The following CHD7 variants were observed in gnomAD, a reference collection of about 807,000 sequenced individuals.
CHD7 encodes the protein chromodomain helicase DNA binding protein 7.
Under a neutral mutation model 307.3 loss-of-function variants are expected in CHD7, and 24 were observed. That is an observed-to-expected ratio of 0.08 (90% CI 0.06 to 0.11). The LOEUF is 0.11. CHD7 is among the 10% of genes least tolerant of loss of function. The probability of loss-of-function intolerance (pLI) is 1.00; values close to 1 mark genes in which losing one functional copy is unlikely to be tolerated. For missense variants in CHD7, 3,106 were observed against 3,727.1 expected, an observed-to-expected ratio of 0.83 and a Z score of 4.34; for synonymous variants, 1,363 against 1,349.9, an observed-to-expected ratio of 1.01 and a Z score of -0.21.
At chr8:60,778,106 G>GC (rs1554588072) in intron 2 of CHD7, among the ~76,000 whole-genome samples, 1 of 111,708 alleles carries the variant, frequency 9.0e-6, no homozygotes, top group Non-Finnish European at 2.3e-5. Context: ...GGGGGGTGGA[G>GC]GGGGGGACAT....
intron 1 of CHD7, among the ~76,000 whole-genome samples, chr8:60,696,723 G>A (rs1196887855): frequency 6.6e-6 from 1 of 151,658 alleles, no homozygotes; most frequent in African/African-American, 2.4e-5. Context: ...ATGGAAGGAA[G>A]GACTCTGACA....
At position 60,800,517 on chromosome 8, in the gene CHD7, G is replaced by C; in HGVS notation, c.2368G>C (p.Glu790Gln). 1 of 1,613,430 alleles carries C rather than the reference G, an allele frequency of 6.2e-7. No individual in the cohort carries two copies. The highest frequency in any genetic ancestry group is 8.5e-7 in the Non-Finnish European group (1 of 1,179,614). ...RDSPSNTSQS[E>Q]QQESVDAEGP... ...TTCCCCCTCCAACACCTCCCAGTCA[G>C]AACAGCAGGTTAGTACCAGATCTGT... Residue 790 changes from glutamate (E) to glutamine (Q), a missense_variant, in exon 5 of 38, where the codon GAA becomes CAA. By Grantham distance (29) the Glu-to-Gln change is conservative. This residue lies in a region of CHD7 where 998 missense variants were observed against 1,004.5 expected (regional missense o/e 0.99). Coordinates refer to ENST00000423902, the MANE Select transcript of CHD7 (RefSeq NM_017780.4).
intron 26 of CHD7, 95 bp from the exon 27 acceptor site, chr8:60,850,937 A>G: frequency 1.2e-6 from 1 of 834,884 alleles, no homozygotes; most frequent in Admixed American, 2.9e-5. Context: ...AATTAAAAGT[A>G]GCACTGGGCA....
chr8:60,773,811 T>C (rs1480881266), intron 2 of CHD7, among the ~76,000 whole-genome samples: 1 of 152,204 alleles, frequency 6.6e-6, no homozygotes, highest in East Asian at 1.9e-4. Context: ...TCATAGTGGA[T>C]AATGTTTGTT....
intron 1 of CHD7, among the ~76,000 whole-genome samples, chr8:60,701,286 T>A (rs1228729301): frequency 6.6e-6 from 1 of 152,238 alleles, no homozygotes; most frequent in Non-Finnish European, 1.5e-5. Flanking sequence ...CCGGCTCAGA[T>A]CACCAGTCTT....
intron 1 of CHD7, among the ~76,000 whole-genome samples, chr8:60,680,191 G>A (rs1051057533): frequency 7.9e-5 from 12 of 152,070 alleles, no homozygotes; most frequent in Non-Finnish European, 1.8e-4. Flanking sequence ...CCCTCGCAGA[G>A]AGCCGCGGCT....
At position 60,758,394 on chromosome 8, in the gene CHD7, G is replaced by A. The variant is rs575650513; in HGVS notation, c.1665+15297G>A. Among the ~76,000 whole-genome samples, 53 of 152,244 alleles carry A rather than the reference G, an allele frequency of 3.5e-4. No homozygotes were observed. The South Asian group carries it at 0.011, about 32-fold the overall frequency. ...ACCCCTTGGCCTTCCTGAGTGCTGGGATTACAGGGATGAGCCACTGCACCC... is the reference window on the plus strand; with the variant it reads ...ACCCCTTGGCCTTCCTGAGTGCTGGAATTACAGGGATGAGCCACTGCACCC... On this transcript the variant is annotated intron_variant, in intron 2 of 37. Transcript: ENST00000423902.
chr8:60,721,974 C>T (rs1055988757), intron 1 of CHD7, among the ~76,000 whole-genome samples: 7 of 152,066 alleles, frequency 4.6e-5, no homozygotes, highest in African/African-American at 9.7e-5. Context: ...GGGTTGGGGT[C>T]GGGGATGTTG....
intron 1 of CHD7, among the ~76,000 whole-genome samples, chr8:60,712,042 G>A (rs1381588356): frequency 1.3e-5 from 2 of 152,200 alleles, no homozygotes; most frequent in Non-Finnish European, 2.9e-5. Context: ...AGAGGTGGGT[G>A]TTCCAAATGA....
In CHD7 at chr8:60,865,894, TGGG is replaced by T. The variant is rs771806027; in HGVS notation, c.8960_8962del (p.Gly2987del). 5 of 1,609,284 alleles carry T rather than the reference TGGG, an allele frequency of 3.1e-6. No homozygotes were observed. The highest frequency in any genetic ancestry group is 3.4e-6 in the Non-Finnish European group (4 of 1,177,760). ...AGGGTGAAGAGCTAGACTCACTTGA[TGGG>T]GGGGATGAAATAGAAAACAATGAAA... is the stretch of plus-strand genomic sequence containing the variant. On this transcript the variant is annotated inframe_deletion, in exon 38 of 38. Coordinates refer to ENST00000423902, the MANE Select transcript of CHD7 (RefSeq NM_017780.4). The surrounding 1 kb of genome is among the most constrained non-coding windows in gnomAD (Gnocchi z 4.3).
chr8:60,834,361 T>C (rs1048420436), intron 15 of CHD7, among the ~76,000 whole-genome samples: 3 of 152,238 alleles, frequency 2.0e-5, no homozygotes, highest in Non-Finnish European at 4.4e-5. Flanking sequence ...GTAAAACTTA[T>C]TCTGAATTTC....
At chr8:60,683,910 T>TG in intron 1 of CHD7, among the ~76,000 whole-genome samples, 1 of 36,430 alleles carries the variant, frequency 2.7e-5, no homozygotes, top group South Asian at 3.0e-3. Flanking sequence ...TTTTTGGAGG[T>TG]TTTTTTTTTT....
intron 1 of CHD7, among the ~76,000 whole-genome samples, chr8:60,697,149 C>T (rs1806521316): frequency 6.6e-6 from 1 of 152,104 alleles, no homozygotes; most frequent in Non-Finnish European, 1.5e-5. Flanking sequence ...GAAGAGAAGC[C>T]TCTTGAGACT....
rs72650472 is a variant in CHD7 at position 60,738,577 on chromosome 8, G to A, written c.-174-2682G>A. ...ACTTGGGAAAGTGGGCATTCAGATG[G>A]TCTTGATCAAATTTAAAAAAAGGAC... is the stretch of plus-strand genomic sequence containing the variant. On this transcript the variant is annotated intron_variant, in intron 1 of 37. Coordinates refer to ENST00000423902, the MANE Select transcript of CHD7 (RefSeq NM_017780.4). 6.6e-3 allele frequency among the ~76,000 whole-genome samples: 1,004 copies of A among 152,240 alleles called. 13 individuals carry two copies. The highest frequency in any genetic ancestry group is 0.011 in the Non-Finnish European group (728 of 68,010).
rs527756032 is a variant in CHD7 at position 60,768,228 on chromosome 8, T to C, written c.1666-12772T>C. Among the ~76,000 whole-genome samples the C allele has an allele frequency of 1.5e-4, 23 of 152,312 alleles. 1 individual carries two copies. In the East Asian group the frequency reaches 4.4e-3, roughly 29 times the overall value. ...TTTCGAAGTGTGGAGATAGTTATTA[T>C]TGAAGCAGGACCAGAGCAGAGACCC... On this transcript the variant is annotated intron_variant, in intron 2 of 37. Coordinates refer to ENST00000423902, the MANE Select transcript of CHD7 (RefSeq NM_017780.4).
intron 37 of CHD7, 169 bp downstream of exon 37, chr8:60,862,821 A>ACATCAATAC: frequency 1.1e-5 from 4 of 380,412 alleles, no homozygotes; most frequent in African/African-American, 7.8e-5. Context: ...ATACATCATT[A>ACATCAATAC]ATCCAAAGTG....
At chr8:60,819,541 G>A (rs111306424) in intron 8 of CHD7, among the ~76,000 whole-genome samples, 4 of 152,324 alleles carry the variant, frequency 2.6e-5, no homozygotes, top group African/African-American at 9.6e-5. Flanking sequence ...GAAATTAGCT[G>A]CTTGCAGTGT....
At chr8:60,698,282 C>T (rs990156044) in intron 1 of CHD7, among the ~76,000 whole-genome samples, 5 of 152,098 alleles carry the variant, frequency 3.3e-5, no homozygotes, top group South Asian at 2.1e-4. Context: ...CTTTCTGTAT[C>T]GAGGATAATT....
chr8:60,839,080 C>G (rs780876324), intron 19 of CHD7, among the ~76,000 whole-genome samples: 2 of 152,204 alleles, frequency 1.3e-5, no homozygotes, highest in African/African-American at 2.4e-5. Flanking sequence ...CAATCATTCC[C>G]CATTCCTATC....
Sources: allele counts gnomAD v4.1 joint callset (sites outside exome capture counted in the v4.1 genomes callset), GRCh38; gene constraint gnomAD v4.1.1; regional missense constraint gnomAD v4.1.1; non-coding constraint Gnocchi (gnomAD v3.1); transcripts MANE v1.5; gene names NCBI Gene and HGNC (gene_info 2026-07-23, HGNC 2026-07-21).